RIPOR2: variants seen among roughly 807,000 people sequenced by gnomAD.
The protein encoded by RIPOR2 is RHO family interacting cell polarization regulator 2.
RIPOR2 carries 39 observed loss-of-function variants against 114.5 expected under a neutral mutation model. The observed-to-expected ratio is 0.34, with a 90% CI of 0.26 to 0.44. The LOEUF is 0.44. RIPOR2 is among the 20% of genes least tolerant of loss of function. The pLI, the probability that RIPOR2 is intolerant of heterozygous loss-of-function variation, is 1.00. For synonymous variants in RIPOR2, 445 were observed against 484.4 expected (o/e 0.92, Z 1.07); for missense variants, 1,007 against 1,255.1 (o/e 0.80, Z 2.99).
chr6:25,021,016 C>T (rs997687010), intron 1 of RIPOR2, among the ~76,000 whole-genome samples: 1 of 152,098 alleles, frequency 6.6e-6, no homozygotes. Context: ...ACTACAATGC[C>T]TGGCTAATTT....
At chr6:24,947,638 T>A (rs1174692524) in intron 1 of RIPOR2, among the ~76,000 whole-genome samples, 1 of 151,944 alleles carries the variant, frequency 6.6e-6, no homozygotes, top group Non-Finnish European at 1.5e-5. Flanking sequence ...TTCCTTACAG[T>A]TTAATTAGCA....
intron 1 of RIPOR2, among the ~76,000 whole-genome samples, chr6:24,968,975 A>T (rs1773654319): frequency 6.6e-6 from 1 of 152,074 alleles, no homozygotes. Context: ...TGGCCCGTTT[A>T]ATCACCTCAT....
At chr6:24,875,577 G>T in intron 2 of RIPOR2, 114 bp downstream of exon 2, 2 of 901,852 alleles carry the variant, frequency 2.2e-6, no homozygotes, top group South Asian at 1.7e-5. Context: ...ATTAAAATGG[G>T]GAGGAGGCCG....
rs764528625 is a variant in RIPOR2 at position 24,865,381 on chromosome 6, C to CTTGCTTCATT, written c.561_570dup (p.Ala191AsnfsTer36). ...TTGCTGGCAGGGGATGTTGCGAAGG[C>CTTGCTTCATT]TTGCTTCATTTTGCTGGCACCATCC... On this transcript the variant is annotated frameshift_variant, in exon 7 of 22. Coordinates refer to ENST00000643898, the MANE Select transcript of RIPOR2 (RefSeq NM_001286445.3). LOFTEE classifies it high-confidence loss of function. The CTTGCTTCATT allele has an allele frequency of 6.2e-7, 1 of 1,613,594 alleles. No homozygotes were observed. The highest frequency in any genetic ancestry group is 8.5e-7 in the Non-Finnish European group (1 of 1,179,674).
At position 24,873,562 on chromosome 6, in the gene RIPOR2, T is replaced by C. The variant is rs184165552; in HGVS notation, c.344+82A>G. On this transcript the variant is annotated intron_variant, in intron 3 of 21. Coordinates refer to ENST00000643898, the MANE Select transcript of RIPOR2 (RefSeq NM_001286445.3). ...AATACCTCCTACAGAAATAGACATC[T>C]GAAAAATGATCTCATAAGACCAGCT... is the stretch of plus-strand genomic sequence containing the variant. 2.3e-4 allele frequency: 291 copies of C among 1,276,164 alleles called. 1 individual carries two copies. The East Asian group carries it at 6.5e-3, about 29-fold the overall frequency. The allele number at this position is 1,276,164 out of a possible 1,614,324, so 79.1% of individuals were successfully genotyped here. A position where few individuals can be genotyped will look rare whatever the true frequency, so the allele number is the denominator to read the frequency against.
intron 1 of RIPOR2, among the ~76,000 whole-genome samples, chr6:24,956,390 G>A (rs1311250631): frequency 6.6e-6 from 1 of 152,056 alleles, no homozygotes; most frequent in Non-Finnish European, 1.5e-5. Context: ...TGCTTATTGT[G>A]AAACCATTAG....
intron 1 of RIPOR2, among the ~76,000 whole-genome samples, chr6:24,929,078 T>A (rs1208831624): frequency 1.3e-5 from 2 of 152,192 alleles, no homozygotes; most frequent in Non-Finnish European, 2.9e-5. Context: ...ATGACATAAA[T>A]TATTATTAAT....
rs1469837004 is a variant in RIPOR2 at position 24,843,069 on chromosome 6, G to A, written c.1650C>T (p.Leu550=). The change falls in exon 13 of 22, where the codon CTC becomes CTT. Residue 550 remains leucine (L), a synonymous_variant. Transcript: ENST00000643898. Reference sequence around the variant, plus strand: ...TGGCCATTGGCACCTCTGCAGATGTGAGCCTCTTGACCAGCTGCTTTGTGA... The same window carrying A: ...TGGCCATTGGCACCTCTGCAGATGTAAGCCTCTTGACCAGCTGCTTTGTGA... ...GNITKQLVKR[L]TSAEVPMATD... The A allele has an allele frequency of 6.2e-7, 1 of 1,613,928 alleles. No individual in the cohort carries two copies. The highest frequency in any genetic ancestry group is 8.5e-7 in the Non-Finnish European group (1 of 1,179,844).
intron 1 of RIPOR2, among the ~76,000 whole-genome samples, chr6:24,987,398 T>C (rs1384469019): frequency 1.3e-5 from 2 of 152,206 alleles, no homozygotes; most frequent in Non-Finnish European, 2.9e-5. Flanking sequence ...TAATGACATA[T>C]GACTGACGGG....
At chr6:25,035,085 T>A (rs1292168489) in intron 1 of RIPOR2, among the ~76,000 whole-genome samples, 2 of 152,040 alleles carry the variant, frequency 1.3e-5, no homozygotes, top group African/African-American at 4.8e-5. Context: ...AACACTAGGG[T>A]CCCTAAAACA....
At chr6:24,878,529 A>G (rs140412448) in intron 1 of RIPOR2, among the ~76,000 whole-genome samples, 20 of 152,350 alleles carry the variant, frequency 1.3e-4, no homozygotes, top group Admixed American at 4.6e-4. Flanking sequence ...CGAAATATTT[A>G]ACTATATCAT....
chr6:24,954,738 G>A (rs1052931440), intron 1 of RIPOR2, among the ~76,000 whole-genome samples: 2 of 152,044 alleles, frequency 1.3e-5, no homozygotes, highest in Non-Finnish European at 2.9e-5. Context: ...GTGAACCACT[G>A]CACTCAGCCT....
chr6:25,022,532 A>ATTTTTTTTTTTTTTTTTT lies in RIPOR2; in HGVS notation c.76+19301_76+19318dup, dbSNP rs10564019. Among the ~76,000 whole-genome samples the ATTTTTTTTTTTTTTTTTT allele has an allele frequency of 8.1e-4, 33 of 40,986 alleles. 5 individuals are homozygous for ATTTTTTTTTTTTTTTTTT. Among genetic ancestry groups the ATTTTTTTTTTTTTTTTTT allele is most frequent in the Non-Finnish European group, 1.2e-3 (25 of 20,700 alleles). The allele number at this position is 40,986 out of a possible 152,430, so 26.9% of individuals were successfully genotyped here. On this transcript the variant is annotated intron_variant, in intron 1 of 13. Coordinates refer to the RIPOR2 transcript ENST00000510784. ...ACATATAACTAATGTGGTACCTTCC[A>ATTTTTTTTTTTTTTTTTT]TTTTTTTTTTTTTTTTTTTTTTTTT...
At chr6:25,009,196 C>G (rs1775679432) in intron 1 of RIPOR2, among the ~76,000 whole-genome samples, 1 of 152,172 alleles carries the variant, frequency 6.6e-6, no homozygotes, top group Non-Finnish European at 1.5e-5. Flanking sequence ...GGAAGAGGAG[C>G]TTACTAAGAC....
rs529840535 is a variant in RIPOR2, at chr6:24,887,298, ACAGG to A, written c.62-11485_62-11482del. Among the ~76,000 whole-genome samples, 435 of 152,298 alleles carry A rather than the reference ACAGG, an allele frequency of 2.9e-3. 1 individual carries two copies. Among genetic ancestry groups the A allele is most frequent in the African/African-American group, 9.6e-3 (398 of 41,562 alleles). ...TTTTGAAACTTCTCTGATGCTCGGT[ACAGG>A]GTAAGATACCAAAATCATTGGCTCT... is the stretch of plus-strand genomic sequence containing the variant. On this transcript the variant is annotated intron_variant, in intron 1 of 21. Coordinates refer to ENST00000643898, the MANE Select transcript of RIPOR2 (RefSeq NM_001286445.3).
chr6:24,899,376 T>C (rs113479816), intron 1 of RIPOR2, among the ~76,000 whole-genome samples: 3 of 152,218 alleles, frequency 2.0e-5, no homozygotes, highest in African/African-American at 4.8e-5. Flanking sequence ...GCTATTGTTC[T>C]GGAAATTATA....
chr6:24,957,921 T>G (rs1773114117), intron 1 of RIPOR2, among the ~76,000 whole-genome samples: 1 of 151,870 alleles, frequency 6.6e-6, no homozygotes, highest in Admixed American at 6.6e-5. Flanking sequence ...ACTTAAAAAA[T>G]TACAAATCCT....
rs371257591 is a variant in RIPOR2, at chr6:24,848,004, G to A, written c.1164+21C>T. ...TGGCTCAGGTGCATTGATTCTACTCGGGAAATTACACTGAACTTACAAAGA... is the reference window on the plus strand; with the variant it reads ...TGGCTCAGGTGCATTGATTCTACTCAGGAAATTACACTGAACTTACAAAGA... On this transcript the variant is annotated intron_variant, in intron 12 of 21. Transcript: ENST00000643898. 103 of 1,613,618 alleles carry A rather than the reference G, an allele frequency of 6.4e-5. No individual in the cohort carries two copies. The African/African-American group carries it at 7.9e-4, about 12-fold the overall frequency.
At chr6:25,005,740 T>TATATATATATATATATAC (rs1491374316) in intron 1 of RIPOR2, among the ~76,000 whole-genome samples, 3 of 104,518 alleles carry the variant, frequency 2.9e-5, no homozygotes, top group Admixed American at 2.0e-4. Context: ...TATATATATA[T>TATATATATATATATATAC]ACATTTACCG....
Sources: allele counts gnomAD v4.1 joint callset (sites outside exome capture counted in the v4.1 genomes callset), GRCh38; gene constraint gnomAD v4.1.1; transcripts MANE v1.5; gene names NCBI Gene and HGNC (gene_info 2026-07-23, HGNC 2026-07-21).